Variants in BAIAP2 observed in about 807,000 individuals in gnomAD.
BAIAP2 encodes BAR/IMD domain containing adaptor protein 2, also known as BAR/IMD domain-containing adapter protein 2.
A neutral mutation model predicts 63.0 loss-of-function variants in BAIAP2; 18 were observed. The observed-to-expected ratio is 0.29, with a 90% CI of 0.20 to 0.42. BAIAP2 has a LOEUF of 0.42. BAIAP2 is among the 10% of genes least tolerant of loss of function. The probability of loss-of-function intolerance (pLI) is 1.00; values close to 1 mark genes in which losing one functional copy is unlikely to be tolerated. For synonymous variants in BAIAP2, 386 were observed against 307.6 expected (o/e 1.25, Z -2.67); for missense variants, 610 against 734.3 (o/e 0.83, Z 1.96).
At chr17:81,109,751 G>C in intron 13 of BAIAP2, 2 of 985,456 alleles carry the variant, frequency 2.0e-6, no homozygotes, top group Non-Finnish European at 2.4e-6. Context: ...GAGCAAGGTC[G>C]GGGGCAGGCG....
intron 1 of BAIAP2, among the ~76,000 whole-genome samples, chr17:81,052,789 G>T (rs1239506937): frequency 6.6e-6 from 1 of 151,782 alleles, no homozygotes; most frequent in Non-Finnish European, 1.5e-5. Flanking sequence ...GGCTGGGTGG[G>T]TTGGGGCCCC....
chr17:81,058,475 G>T (rs2050001346), intron 3 of BAIAP2, among the ~76,000 whole-genome samples: 1 of 152,240 alleles, frequency 6.6e-6, no homozygotes, highest in Non-Finnish European at 1.5e-5. Context: ...GGGACACAGG[G>T]TGAAACCTGG....
intron 6 of BAIAP2, among the ~76,000 whole-genome samples, chr17:81,096,396 T>C (rs2057617536): frequency 6.6e-6 from 1 of 152,190 alleles, no homozygotes; most frequent in Admixed American, 6.5e-5. Flanking sequence ...CTTAAGGGAT[T>C]CTGGGCACCG....
At chr17:81,084,431 C>T (rs1400722642) in intron 3 of BAIAP2, among the ~76,000 whole-genome samples, 1 of 152,130 alleles carries the variant, frequency 6.6e-6, no homozygotes, top group Non-Finnish European at 1.5e-5. Context: ...AGCAGACTGT[C>T]CACCTGGCCT....
At chr17:81,104,264 C>A (rs1348032411) in intron 9 of BAIAP2, among the ~76,000 whole-genome samples, 156 bp downstream of exon 9, 1 of 152,200 alleles carries the variant, frequency 6.6e-6, no homozygotes, top group Non-Finnish European at 1.5e-5. Context: ...CACACGTGTG[C>A]CTGCCCAGCA....
At chr17:81,107,128 T>C (rs2059279923) in intron 12 of BAIAP2, 1 of 569,294 alleles carries the variant, frequency 1.8e-6, no homozygotes, top group Non-Finnish European at 2.9e-6. Flanking sequence ...GTCGGCATGC[T>C]GGGGCTGGGG....
chr17:81,115,877 C>T lies in BAIAP2; in HGVS notation c.*38C>T, dbSNP rs1344815649. ...CAGTGCTGCCCATCTGGTGGCTTCC[C>T]CCGCCCTTCCCATGTAGCCTGTTCT... On this transcript the variant is annotated 3_prime_UTR_variant, in exon 14 of 14. Coordinates refer to ENST00000428708, the MANE Select transcript of BAIAP2 (RefSeq NM_001144888.2). 2 of 1,610,916 alleles carry T rather than the reference C, an allele frequency of 1.2e-6. No homozygotes were observed. Among genetic ancestry groups the T allele is most frequent in the Non-Finnish European group, 1.7e-6 (2 of 1,179,042 alleles).
intron 2 of BAIAP2, among the ~76,000 whole-genome samples, chr17:81,054,313 G>T (rs1459393110): frequency 5.3e-5 from 8 of 150,506 alleles, no homozygotes; most frequent in Middle Eastern, 6.3e-3. Context: ...TGCCTCCTGA[G>T]CTGGTAGAAC....
intron 2 of BAIAP2, chr17:81,057,653 G>C (rs760320891): frequency 6.0e-6 from 8 of 1,336,590 alleles, no homozygotes; most frequent in African/African-American, 1.5e-5. Context: ...GAACTGGTAC[G>C]TTGTGTTCTT....
At chr17:81,043,802 C>G (rs1480627479) in intron 1 of BAIAP2, among the ~76,000 whole-genome samples, 2 of 152,210 alleles carry the variant, frequency 1.3e-5, no homozygotes, top group African/African-American at 4.8e-5. Flanking sequence ...ACTGCAGAGC[C>G]AACTCCAGGG....
chr17:81,105,930 T>C, intron 10 of BAIAP2, 148 bp from the exon 11 acceptor site: 1 of 666,798 alleles, frequency 1.5e-6, no homozygotes, highest in Non-Finnish European at 2.6e-6. Context: ...CTGCGGTCTT[T>C]GTCTCCCTGG....
At chr17:81,047,203 T>C (rs149917461) in intron 1 of BAIAP2, among the ~76,000 whole-genome samples, 8 of 151,878 alleles carry the variant, frequency 5.3e-5, no homozygotes, top group Admixed American at 5.2e-4. Flanking sequence ...CCAGGACCAA[T>C]TGGGAGAGAG....
chr17:81,042,142 CTTTT>C (rs36029761), intron 1 of BAIAP2, among the ~76,000 whole-genome samples: 26 of 109,740 alleles, frequency 2.4e-4, no homozygotes, highest in Admixed American at 3.9e-4. Context: ...TTTCTTTTTT[CTTTT>C]TTTTTTTTTT....
chr17:81,043,726 A>C (rs1452040420), intron 1 of BAIAP2, among the ~76,000 whole-genome samples: 3 of 151,978 alleles, frequency 2.0e-5, no homozygotes. Flanking sequence ...CCTGCCTGAC[A>C]GGGGATCCTC....
At chr17:81,053,874 T>C in intron 2 of BAIAP2, 131 bp downstream of exon 2, 1 of 545,108 alleles carries the variant, frequency 1.8e-6, no homozygotes, top group South Asian at 2.1e-5. Flanking sequence ...GGGTGGGAGC[T>C]GCCTCCTGAG....
intron 3 of BAIAP2, among the ~76,000 whole-genome samples, chr17:81,061,043 G>GA (rs1320259912): frequency 1.3e-5 from 2 of 152,232 alleles, no homozygotes; most frequent in Admixed American, 6.5e-5. Flanking sequence ...AGAATCGCTT[G>GA]AACCTGGGAG....
intron 1 of BAIAP2, among the ~76,000 whole-genome samples, chr17:81,039,513 C>T (rs965967193): frequency 6.6e-6 from 1 of 152,192 alleles, no homozygotes; most frequent in Non-Finnish European, 1.5e-5. Flanking sequence ...GGGAGAGTGT[C>T]CTGCCCGTGC....
In BAIAP2 at chr17:81,035,160, G is replaced by C; in HGVS notation, c.-95G>C. The C allele has an allele frequency of 9.5e-7, 1 of 1,054,634 alleles. No homozygotes were observed. The allele number at this position is 1,054,634 out of a possible 1,614,324, so 65.3% of individuals were successfully genotyped here. A position where few individuals can be genotyped will look rare whatever the true frequency, so the allele number is the denominator to read the frequency against. On this transcript the variant is annotated 5_prime_UTR_variant, in exon 1 of 14. Coordinates refer to ENST00000428708, the MANE Select transcript of BAIAP2 (RefSeq NM_001144888.2). Reference sequence around the variant, plus strand: ...CCGGACGCCGGGCTCTGTGGTTCGGGTCCGCTTTCGTCTCCGTCCTGCTGC... The same window carrying C: ...CCGGACGCCGGGCTCTGTGGTTCGGCTCCGCTTTCGTCTCCGTCCTGCTGC...
At chr17:81,075,526 C>T (rs958620305) in intron 3 of BAIAP2, among the ~76,000 whole-genome samples, 14 of 152,214 alleles carry the variant, frequency 9.2e-5, no homozygotes, top group Admixed American at 1.3e-4. Context: ...TAATCCTTCT[C>T]GTTCATCTGC....
Sources: allele counts gnomAD v4.1 joint callset (sites outside exome capture counted in the v4.1 genomes callset), GRCh38; gene constraint gnomAD v4.1.1; transcripts MANE v1.5; gene names NCBI Gene and HGNC (gene_info 2026-07-23, HGNC 2026-07-21).